Variants in CFAP44 observed in about 807,000 individuals in gnomAD.
CFAP44 encodes the protein cilia- and flagella-associated protein 44.
CFAP44 carries 134 observed loss-of-function variants against 216.2 expected under a neutral mutation model. The observed-to-expected ratio is 0.62, with a 90% confidence interval of 0.54 to 0.72. The LOEUF (loss-of-function observed/expected upper bound fraction) is 0.72. Among genes scored for constraint, CFAP44 ranks in the 30% least tolerant of loss-of-function variants. The pLI is 0.00. For missense variants in CFAP44, 2,035 were observed against 2,182.1 expected (o/e 0.93, Z 1.34); for synonymous variants, 700 against 727.6 (o/e 0.96, Z 0.61).
chr3:113,410,383 G>A (rs1015633246), intron 6 of CFAP44, among the ~76,000 whole-genome samples: 1 of 152,126 alleles, frequency 6.6e-6, no homozygotes, highest in Non-Finnish European at 1.5e-5. Context: ...CCACCTATGA[G>A]TGAGAACATG....
chr3:113,349,414 G>A (rs547360257), intron 22 of CFAP44, among the ~76,000 whole-genome samples: 68 of 152,280 alleles, frequency 4.5e-4, no homozygotes, highest in South Asian at 4.1e-4. Flanking sequence ...GGAACATGCC[G>A]AAAAGGAAAA....
intron 11 of CFAP44, 62 bp downstream of exon 11, chr3:113,401,178 G>C: frequency 6.9e-7 from 1 of 1,447,608 alleles, no homozygotes; most frequent in South Asian, 1.3e-5. Context: ...ATACTTTAAA[G>C]ACAAATAACA....
chr3:113,324,022 G>A (rs1421950751), intron 28 of CFAP44, among the ~76,000 whole-genome samples: 1 of 136,208 alleles, frequency 7.3e-6, no homozygotes, highest in Non-Finnish European at 1.5e-5. Context: ...CCAGCCTGGT[G>A]ACAGAGCAAG....
At chr3:113,411,388 T>C (rs201406682) in intron 6 of CFAP44, among the ~76,000 whole-genome samples, 4,075 of 152,270 alleles carry the variant, frequency 0.027, 63 homozygotes, top group East Asian at 0.052. Context: ...CCCAGCACCA[T>C]TTATTAAATA....
At chr3:113,400,090 A>T in intron 12 of CFAP44, 90 bp from the exon 13 acceptor site, 2 of 845,294 alleles carry the variant, frequency 2.4e-6, no homozygotes, top group Non-Finnish European at 3.4e-6. Flanking sequence ...TATTATAACA[A>T]GAAATTTCTT....
Position 113,344,570 on chromosome 3 carries a change from A to G in CFAP44, c.3208T>C (p.Leu1070=), listed in dbSNP as rs938785811. Reference sequence around the variant, plus strand: ...GGTCCCTCTTTTTCAAACCTGTCCAATTTGCTTGGTTTTCTCTCTGATTGA... The same window carrying G: ...GGTCCCTCTTTTTCAAACCTGTCCAGTTTGCTTGGTTTTCTCTCTGATTGA... ...ASQSERKPSK[L]DRFEKEGPGR... Residue 1070 remains leucine, a synonymous_variant, in exon 23 of 35, where the codon TTG becomes CTG. Transcript: ENST00000393845. 9.1e-6 allele frequency: 14 copies of G among 1,536,704 alleles called. No individual in the cohort carries two copies. In the African/African-American group the frequency reaches 1.4e-4, roughly 15 times the overall value.
intron 5 of CFAP44, among the ~76,000 whole-genome samples, chr3:113,417,676 C>G (rs1056246829): frequency 1.3e-5 from 2 of 152,012 alleles, no homozygotes; most frequent in Non-Finnish European, 2.9e-5. Flanking sequence ...GCTTGGATAC[C>G]ATTATTATCT....
chr3:113,416,188 GT>G (rs60048350), intron 6 of CFAP44, among the ~76,000 whole-genome samples: 37,554 of 150,568 alleles, frequency 0.25, 5,371 homozygotes, highest in East Asian at 0.58. Flanking sequence ...GTGTTTTTTT[GT>G]TTTTTTTTCC....
intron 4 of CFAP44, among the ~76,000 whole-genome samples, chr3:113,422,901 CT>C (rs1480602600): frequency 2.6e-5 from 4 of 152,028 alleles, no homozygotes; most frequent in African/African-American, 9.7e-5. Flanking sequence ...TGATAAAAGG[CT>C]CTTTCAAACC....
chr3:113,367,372 G>A (rs1281446565), intron 18 of CFAP44, among the ~76,000 whole-genome samples: 2 of 152,184 alleles, frequency 1.3e-5, no homozygotes. Flanking sequence ...GAAGGATCAG[G>A]CAGCAATATT....
At position 113,303,970 on chromosome 3, in the gene CFAP44, C is replaced by T. The variant is rs1333932921; in HGVS notation, c.5023G>A (p.Glu1675Lys). 1 of 1,537,750 alleles carries T rather than the reference C, an allele frequency of 6.5e-7. No individual in the cohort carries two copies. Among genetic ancestry groups the T allele is most frequent in the Admixed American group, 2.0e-5 (1 of 51,002 alleles). Residue 1675 changes from glutamate (E) to lysine (K), a missense_variant, in exon 32 of 35, where the codon GAG (glutamate) becomes AAG (lysine). By Grantham distance (56) the Glu-to-Lys change is moderately conservative. Transcript: ENST00000393845. ...KQQKLNKEWRERRKQLIREKR... is the reference protein window; with the variant it reads ...KQQKLNKEWRKRRKQLIREKR... Reference sequence around the variant, plus strand: ...TCTCGGATGAGCTGTTTACGTCTCTCTCTCCATTCTTTGTTAAGTTTTTGC... The same window carrying T: ...TCTCGGATGAGCTGTTTACGTCTCTTTCTCCATTCTTTGTTAAGTTTTTGC...
rs373295277 is a variant in CFAP44, at chr3:113,412,725, A to G, written c.674-3403T>C. On this transcript the variant is annotated intron_variant, in intron 6 of 34. Transcript: ENST00000393845. ...ATCTCATTCCTTTTTATGGCTACAT[A>G]GTATTCCATGATGTATATGTACCAC... 5.3e-5 allele frequency among the ~76,000 whole-genome samples: 8 copies of G among 152,202 alleles called. No individual in the cohort carries two copies. The East Asian group carries it at 1.5e-3, about 29-fold the overall frequency.
chr3:113,433,755 C>G, intron 1 of CFAP44, 86 bp from the exon 2 acceptor site: 1 of 1,024,132 alleles, frequency 9.8e-7, no homozygotes, highest in Non-Finnish European at 1.5e-6. Context: ...TCATTAGCAC[C>G]AAACACCATG....
At chr3:113,379,156 A>G (rs111673858) in intron 17 of CFAP44, 150 bp downstream of exon 17, 5 of 577,050 alleles carry the variant, frequency 8.7e-6, no homozygotes, top group African/African-American at 5.8e-5. Context: ...ATCAAAACTC[A>G]CGACTTCAAT....
intron 13 of CFAP44, among the ~76,000 whole-genome samples, chr3:113,399,009 A>G (rs1398605225): frequency 6.6e-6 from 1 of 152,134 alleles, no homozygotes; most frequent in Non-Finnish European, 1.5e-5. Context: ...TACAGTTGGA[A>G]CACTAGATCT....
chr3:113,429,959 C>T (rs904430853), intron 2 of CFAP44, among the ~76,000 whole-genome samples: 2 of 152,024 alleles, frequency 1.3e-5, no homozygotes, highest in Admixed American at 6.6e-5. Flanking sequence ...ATGATCTGAA[C>T]ATCACTATCA....
intron 27 of CFAP44, 84 bp from the exon 28 acceptor site, chr3:113,326,724 A>C: frequency 1.3e-6 from 1 of 742,826 alleles, no homozygotes; most frequent in Non-Finnish European, 1.9e-6. Context: ...ATACAAGGTT[A>C]CAGTTTACAA....
rs891248879 is a variant in CFAP44 at position 113,304,333 on chromosome 3, C to T, written c.4876-216G>A. 2.2e-4 allele frequency: 124 copies of T among 567,296 alleles called. 1 individual carries two copies. Among genetic ancestry groups the T allele is most frequent in the Non-Finnish European group, 3.4e-4 (110 of 320,368 alleles). 35.1% of individuals were successfully genotyped at this position (567,296 alleles called of 1,614,324 possible). A position where few individuals can be genotyped will look rare whatever the true frequency, so the allele number is the denominator to read the frequency against. Reference sequence around the variant, plus strand: ...CACGTCTCTGTGGGGATAGCAAATCCTCCCACACAGATCATGCCTATTATC... The same window carrying T: ...CACGTCTCTGTGGGGATAGCAAATCTTCCCACACAGATCATGCCTATTATC... On this transcript the variant is annotated intron_variant, in intron 31 of 34. Coordinates refer to ENST00000393845, the MANE Select transcript of CFAP44 (RefSeq NM_001164496.2).
At chr3:113,321,220 C>T (rs989344667) in intron 28 of CFAP44, among the ~76,000 whole-genome samples, 4 of 152,250 alleles carry the variant, frequency 2.6e-5, no homozygotes, top group East Asian at 1.9e-4. Context: ...GTTCAACATA[C>T]GTAAATCAGT....
Sources: gnomAD v4.1 joint callset for allele counts (sites outside exome capture counted in the v4.1 genomes callset) on GRCh38, gnomAD v4.1.1 for gene constraint, MANE v1.5 for transcripts, NCBI Gene and HGNC (gene_info 2026-07-23, HGNC 2026-07-21) for gene names.